DNAH7: variants seen among roughly 807,000 people sequenced by gnomAD.
DNAH7 encodes axonemal beta dynein heavy chain 7.
A neutral mutation model predicts 444.6 loss-of-function variants in DNAH7; 397 were observed. That is an observed-to-expected ratio of 0.89 (90% CI 0.82 to 0.97). The LOEUF (loss-of-function observed/expected upper bound fraction) is 0.97, where lower values mean the gene tolerates loss of function less well. Ranked by LOEUF, DNAH7 falls within the 50% of genes least tolerant of loss-of-function variation. The probability of loss-of-function intolerance (pLI) is 0.00; values close to 1 mark genes in which losing one functional copy is unlikely to be tolerated. For missense variants in DNAH7, 4,902 were observed against 4,800.8 expected, an observed-to-expected ratio of 1.02 and a Z score of -0.62; for synonymous variants, 1,636 against 1,624.4, an observed-to-expected ratio of 1.01 and a Z score of -0.17.
intron 28 of DNAH7, among the ~76,000 whole-genome samples, chr2:195,898,543 C>T (rs1686486989): frequency 6.6e-6 from 1 of 152,126 alleles, no homozygotes; most frequent in Non-Finnish European, 1.5e-5. Context: ...TCGCACCATG[C>T]AGTTAGATGA....
Position 195,888,996 on chromosome 2 carries a change from T to C in DNAH7, c.5047-15A>G. ...CTATCTGGAGTCTGTTTCATGCATATGTGAACAGAGGGCAAAAACGTAATG... is the reference window on the plus strand; with the variant it reads ...CTATCTGGAGTCTGTTTCATGCATACGTGAACAGAGGGCAAAAACGTAATG... On this transcript the variant is annotated splice_polypyrimidine_tract_variant and intron_variant, in intron 31 of 64. Coordinates refer to ENST00000312428, the MANE Select transcript of DNAH7 (RefSeq NM_018897.3). The C allele has an allele frequency of 1.9e-6, 3 of 1,603,002 alleles. No individual in the cohort carries two copies. Among genetic ancestry groups the C allele is most frequent in the Non-Finnish European group, 2.5e-6 (3 of 1,176,580 alleles).
chr2:195,787,193 C>T (rs1695662257), intron 57 of DNAH7, 22 bp from the exon 58 acceptor site: 1 of 1,567,138 alleles, frequency 6.4e-7, no homozygotes, highest in Non-Finnish European at 8.6e-7. Flanking sequence ...AGAAATGATG[C>T]CGCATCATTA....
At chr2:196,025,162 AG>A (rs1168183718) in intron 7 of DNAH7, among the ~76,000 whole-genome samples, 1 of 152,134 alleles carries the variant, frequency 6.6e-6, no homozygotes, top group Admixed American at 6.6e-5. Context: ...TCTGTCAGGG[AG>A]GGGAGTGTCC....
intron 5 of DNAH7, among the ~76,000 whole-genome samples, chr2:196,045,285 G>A (rs1283195514): frequency 7.1e-6 from 1 of 141,630 alleles, no homozygotes; most frequent in African/African-American, 2.8e-5. Flanking sequence ...GGGAAGGAGG[G>A]AGGAGAAAGA....
In DNAH7 at chr2:195,754,487, C is replaced by A. The variant is rs1240499159; in HGVS notation, c.11614G>T (p.Val3872Phe). Residue 3872 changes from valine (V) to phenylalanine (F), a missense_variant, in exon 63 of 65, where the codon GTC becomes TTC. Coordinates refer to ENST00000312428, the MANE Select transcript of DNAH7 (RefSeq NM_018897.3). ...AAGAAGAAGCCAGAAAGCCAGAAGA[C>A]TGGAGGAGGACCAACCTCATACCAT... ...QQWYEVGPPP[V>F]FWLSGFFFTQ... is the part of the protein sequence containing the mutation. 7 of 1,614,064 alleles carry A rather than the reference C, an allele frequency of 4.3e-6. No individual in the cohort carries two copies. The highest frequency in any genetic ancestry group is 5.1e-6 in the Non-Finnish European group (6 of 1,179,952).
intron 1 of DNAH7, among the ~76,000 whole-genome samples, chr2:196,064,746 T>A (rs539597888): frequency 6.6e-6 from 1 of 152,184 alleles, no homozygotes; most frequent in Non-Finnish European, 1.5e-5. Context: ...TTGAAATGTA[T>A]CCCCATTAAT....
At chr2:195,774,671 C>T (rs1694986499) in intron 60 of DNAH7, among the ~76,000 whole-genome samples, 1 of 152,186 alleles carries the variant, frequency 6.6e-6, no homozygotes, top group Admixed American at 6.5e-5. Flanking sequence ...TTCTGTGCCT[C>T]ACTTTTCTCA....
chr2:195,816,395 G>C lies in DNAH7; in HGVS notation c.9761+233C>G, dbSNP rs1006929164. ...ATAAGGTAAACGTTTTCTCTTTCTA[G>C]AATTACATTATAATTCTAGATCTCT... On this transcript the variant is annotated intron_variant, in intron 51 of 64. Transcript: ENST00000312428. Among the ~76,000 whole-genome samples the C allele has an allele frequency of 3.3e-5, 5 of 152,056 alleles. No homozygotes were observed. The East Asian group carries it at 7.7e-4, about 24-fold the overall frequency.
At chr2:195,850,893 T>C (rs1271812385) in intron 46 of DNAH7, among the ~76,000 whole-genome samples, 4 of 152,106 alleles carry the variant, frequency 2.6e-5, no homozygotes, top group African/African-American at 7.2e-5. Flanking sequence ...GGAGCCTCCA[T>C]AGTGTAAGCT....
chr2:196,031,556 C>T (rs1291371646), intron 5 of DNAH7, among the ~76,000 whole-genome samples: 1 of 152,090 alleles, frequency 6.6e-6, no homozygotes, highest in Non-Finnish European at 1.5e-5. Flanking sequence ...TCTTATGAAA[C>T]TGAATGCCTT....
intron 5 of DNAH7, among the ~76,000 whole-genome samples, chr2:196,032,783 C>G (rs1303223945): frequency 6.6e-6 from 1 of 152,068 alleles, no homozygotes; most frequent in East Asian, 1.9e-4. Context: ...CCATTAGTGG[C>G]CTGATATCAA....
At chr2:196,004,362 G>A (rs1029784756) in intron 10 of DNAH7, among the ~76,000 whole-genome samples, 1 of 152,150 alleles carries the variant, frequency 6.6e-6, no homozygotes, top group Non-Finnish European at 1.5e-5. Context: ...CATGCAAGTT[G>A]CTTCTGAGAG....
chr2:196,051,964 T>C (rs1697500975), intron 2 of DNAH7, among the ~76,000 whole-genome samples: 1 of 152,160 alleles, frequency 6.6e-6, no homozygotes, highest in African/African-American at 2.4e-5. Context: ...GCCACCCTAG[T>C]CTGTACGTAA....
chr2:195,941,219 C>A (rs947176275), intron 19 of DNAH7, among the ~76,000 whole-genome samples: 2 of 151,946 alleles, frequency 1.3e-5, no homozygotes, highest in African/African-American at 4.8e-5. Flanking sequence ...ATGTCCTTTG[C>A]GGGGACATAG....
At chr2:195,826,608 G>T (rs1331679992) in intron 48 of DNAH7, among the ~76,000 whole-genome samples, 1 of 151,928 alleles carries the variant, frequency 6.6e-6, no homozygotes, top group Non-Finnish European at 1.5e-5. Context: ...TTTTTGGCAG[G>T]GTGTTTTTAG....
chr2:195,874,880 T>C (rs528051902), intron 38 of DNAH7, among the ~76,000 whole-genome samples: 1 of 152,242 alleles, frequency 6.6e-6, no homozygotes, highest in South Asian at 2.1e-4. Context: ...GAGCAATTAC[T>C]GACTCAGAAC....
At chr2:195,837,071 C>A (rs908306790) in intron 47 of DNAH7, among the ~76,000 whole-genome samples, 3 of 152,208 alleles carry the variant, frequency 2.0e-5, no homozygotes, top group Admixed American at 6.5e-5. Context: ...TATGGTAATT[C>A]TATAATTCCT....
intron 5 of DNAH7, among the ~76,000 whole-genome samples, chr2:196,046,854 A>G (rs1697160802): frequency 6.6e-6 from 1 of 152,056 alleles, no homozygotes; most frequent in Non-Finnish European, 1.5e-5. Flanking sequence ...AGCAACTAGC[A>G]CAAAGCGGTG....
intron 61 of DNAH7, among the ~76,000 whole-genome samples, chr2:195,766,171 T>TTTTTTTTTTTTTTTTTTTTTG (rs1694575316): frequency 9.3e-6 from 1 of 107,694 alleles, no homozygotes; most frequent in Non-Finnish European, 2.1e-5. Flanking sequence ...GAGCTAATTT[T>TTTTTTTTTTTTTTTTTTTTTG]TTTTTTTTTT....
Sources: allele counts gnomAD v4.1 joint callset (sites outside exome capture counted in the v4.1 genomes callset), GRCh38; gene constraint gnomAD v4.1.1; transcripts MANE v1.5; gene names NCBI Gene and HGNC (gene_info 2026-07-23, HGNC 2026-07-21).